The following TLCD4 variants were observed in gnomAD, a reference collection of about 807,000 sequenced individuals.
The protein encoded by TLCD4 is TLC domain-containing protein 4.
A neutral mutation model predicts 24.2 loss-of-function variants in TLCD4; 7 were observed. The ratio of observed to expected loss-of-function variants is 0.29; its 90% CI spans 0.16 to 0.54. TLCD4 has a LOEUF of 0.54. Among genes scored for constraint, TLCD4 ranks in the 20% least tolerant of loss-of-function variants. The pLI, the probability that TLCD4 is intolerant of heterozygous loss-of-function variation, is 0.95. For synonymous variants in TLCD4, 103 were observed against 106.4 expected, an observed-to-expected ratio of 0.97 and a Z score of 0.20; for missense variants, 259 against 313.9, an observed-to-expected ratio of 0.82 and a Z score of 1.32.
intron 5 of TLCD4, among the ~76,000 whole-genome samples, chr1:95,167,120 C>A (rs1484721226): frequency 6.6e-6 from 1 of 151,824 alleles, no homozygotes; most frequent in Admixed American, 6.6e-5. Context: ...CAGTATGCGT[C>A]TCATTTTATT....
chr1:95,163,331 C>T (rs906351378), intron 5 of TLCD4: 1 of 152,122 alleles, frequency 6.6e-6, no homozygotes, highest in Non-Finnish European at 1.5e-5. Context: ...AGTTCTCGTG[C>T]CATGGTTTTC....
intron 6 of TLCD4, among the ~76,000 whole-genome samples, chr1:95,175,483 G>A (rs568525466): frequency 1.3e-5 from 2 of 152,316 alleles, no homozygotes; most frequent in Non-Finnish European, 2.9e-5. Flanking sequence ...TGTGAATAAT[G>A]CTGAAATGGA....
At chr1:95,180,237 GCACCTCCATT>G (rs1678586027) in intron 6 of TLCD4, among the ~76,000 whole-genome samples, 2 of 152,136 alleles carry the variant, frequency 1.3e-5, no homozygotes, top group Non-Finnish European at 2.9e-5. Context: ...ACACTAATAG[GCACCTCCATT>G]TGTTTTTGTT....
chr1:95,172,859 C>T (rs1162113331), intron 5 of TLCD4, among the ~76,000 whole-genome samples: 1 of 152,086 alleles, frequency 6.6e-6, no homozygotes, highest in Non-Finnish European at 1.5e-5. Flanking sequence ...TTTTCTTTGG[C>T]ATGTAATCAT....
At chr1:95,099,287 C>T in the TLCD4 span, among the ~76,000 whole-genome samples, 21 of 151,958 alleles carry the variant, frequency 1.4e-4, no homozygotes, top group African/African-American at 4.6e-4. Flanking sequence ...CGTTATTATA[C>T]GGATCTTGCA....
At chr1:95,186,810 A>T (rs909539470) in intron 6 of TLCD4, among the ~76,000 whole-genome samples, 3 of 152,208 alleles carry the variant, frequency 2.0e-5, no homozygotes, top group Non-Finnish European at 4.4e-5. Flanking sequence ...TGTCTTAGAT[A>T]ATTTAGCCCT....
At chr1:95,106,810 T>C in the TLCD4 span, among the ~76,000 whole-genome samples, 1 of 152,232 alleles carries the variant, frequency 6.6e-6, no homozygotes, top group Non-Finnish European at 1.5e-5. Context: ...TCAAAACCGT[T>C]ACTTGCTGGA....
chr1:95,159,986 C>T (rs140919425), intron 5 of TLCD4, among the ~76,000 whole-genome samples: 3,657 of 152,198 alleles, frequency 0.024, 132 homozygotes, highest in African/African-American at 0.079. Context: ...CTTGGCAATG[C>T]GGGCTCTTTT....
At chr1:95,190,460 C>T (rs1022345914) in intron 6 of TLCD4, among the ~76,000 whole-genome samples, 1 of 152,124 alleles carries the variant, frequency 6.6e-6, no homozygotes, top group Non-Finnish European at 1.5e-5. Context: ...CTCTGAGTAG[C>T]TGGGATTACA....
At chr1:95,120,872 C>G (rs149042777) in intron 1 of TLCD4, among the ~76,000 whole-genome samples, 134 of 152,338 alleles carry the variant, frequency 8.8e-4, no homozygotes, top group African/African-American at 2.8e-3. Context: ...TAGTGGATCA[C>G]AGTCCACTAT....
intron 5 of TLCD4, among the ~76,000 whole-genome samples, chr1:95,155,232 A>G (rs533552741): frequency 1.5e-4 from 23 of 152,126 alleles, no homozygotes; most frequent in African/African-American, 5.3e-4. Context: ...GACTTCCATA[A>G]TCGCTTGCTA....
Position 95,143,980 on chromosome 1 carries a change from A to G in TLCD4, c.79A>G (p.Ser27Gly). 1 of 1,576,026 alleles carries G rather than the reference A, an allele frequency of 6.3e-7. No homozygotes were observed. The highest frequency in any genetic ancestry group is 8.6e-7 in the Non-Finnish European group (1 of 1,162,126). Residue 27 changes from serine (S) to glycine (G), a missense_variant, in exon 2 of 7, where the codon AGT becomes GGT. Ser to Gly is a moderately conservative substitution (Grantham distance 56). Transcript: ENST00000370203. The stretch of plus-strand genomic sequence containing the variant: ...CTTTCAGCTTCTTTTCTACTTTGTA[A>G]GTTACTGGTTTTCAGCAAAAGTTTC... Reference protein sequence around the residue: ...FTFQLLFYFVSYWFSAKVSPG... With the variant: ...FTFQLLFYFVGYWFSAKVSPG...
At chr1:95,154,863 ATTG>A (rs1677589996) in intron 5 of TLCD4, among the ~76,000 whole-genome samples, 1 of 148,020 alleles carries the variant, frequency 6.8e-6, no homozygotes, top group Admixed American at 6.7e-5. Flanking sequence ...CTCAAGCACA[ATTG>A]AAATGTGCTT....
intron 1 of TLCD4, among the ~76,000 whole-genome samples, chr1:95,122,283 C>T (rs1676590573): frequency 2.0e-5 from 3 of 152,226 alleles, no homozygotes; most frequent in Non-Finnish European, 4.4e-5. Context: ...TCGCTTGAAC[C>T]TGGGGGCAGA....
intron 1 of TLCD4, among the ~76,000 whole-genome samples, chr1:95,142,229 A>G (rs545289753): frequency 5.2e-4 from 76 of 145,656 alleles, no homozygotes; most frequent in African/African-American, 1.8e-3. Context: ...GTGTGCATAT[A>G]TGCATAGTAC....
intron 3 of TLCD4, among the ~76,000 whole-genome samples, chr1:95,149,010 A>C (rs10157254): frequency 0.15 from 23,437 of 152,216 alleles, 1,962 homozygotes; most frequent in Non-Finnish European, 0.18. Flanking sequence ...ATTGTTATCC[A>C]AAACAAGGAG....
At chr1:95,138,261 A>G (rs774006348) in intron 1 of TLCD4, 1 of 152,084 alleles carries the variant, frequency 6.6e-6, no homozygotes, top group Non-Finnish European at 1.5e-5. Context: ...ATGTCTCCCT[A>G]TTTTGTATTC....
chr1:95,127,472 A>C (rs1053446351), intron 1 of TLCD4, among the ~76,000 whole-genome samples: 3 of 152,316 alleles, frequency 2.0e-5, no homozygotes, highest in Admixed American at 1.3e-4. Flanking sequence ...AAAAAAGAAC[A>C]AAATATATTT....
upstream of TLCD4, among the ~76,000 whole-genome samples, chr1:95,112,824 A>T (rs1676364294): frequency 1.3e-5 from 2 of 152,194 alleles, no homozygotes; most frequent in South Asian, 4.1e-4. Flanking sequence ...TGGGCATTTG[A>T]TAGATATGTT....
Sources: gnomAD v4.1 joint callset for allele counts (sites outside exome capture counted in the v4.1 genomes callset) on GRCh38, gnomAD v4.1.1 for gene constraint, MANE v1.5 for transcripts, NCBI Gene and HGNC (gene_info 2026-07-23, HGNC 2026-07-21) for gene names.